The following KLHL29 variants were observed in gnomAD, a reference collection of about 807,000 sequenced individuals.
KLHL29 encodes kelch-like protein 29.
A neutral mutation model predicts 80.4 loss-of-function variants in KLHL29; 21 were observed. That is an observed-to-expected ratio of 0.26 (90% confidence interval 0.19 to 0.38). The LOEUF (loss-of-function observed/expected upper bound fraction) is 0.38, where lower values mean the gene tolerates loss of function less well. Among genes scored for constraint, KLHL29 ranks in the 10% least tolerant of loss-of-function variants. The probability of loss-of-function intolerance (pLI) is 1.00; values close to 1 mark genes in which losing one functional copy is unlikely to be tolerated. For synonymous variants in KLHL29, 511 were observed against 526.8 expected (o/e 0.97, Z 0.41); for missense variants, 867 against 1,223.9 (o/e 0.71, Z 4.35).
intron 3 of KLHL29, among the ~76,000 whole-genome samples, chr2:23,623,045 G>C (rs1366722392): frequency 6.6e-6 from 1 of 152,176 alleles, no homozygotes; most frequent in Non-Finnish European, 1.5e-5. Flanking sequence ...GGGTGAGACA[G>C]GCTTCTGCAC....
In KLHL29 at chr2:23,560,030, G is replaced by A. The variant is rs150458206; in HGVS notation, c.-45-2122G>A. 2.0e-3 allele frequency among the ~76,000 whole-genome samples: 298 copies of A among 152,250 alleles called. 10 individuals are homozygous for A. In the East Asian group the frequency reaches 0.05, roughly 25 times the overall value. ...GCAAGTGAGGGAAGTTGAGGACAGC[G>A]GCATAAATGTCCCCTTGGATTTAGC... is the stretch of plus-strand genomic sequence containing the variant. On this transcript the variant is annotated intron_variant, in intron 2 of 13. Coordinates refer to ENST00000486442, the MANE Select transcript of KLHL29 (RefSeq NM_052920.2).
intron 2 of KLHL29, among the ~76,000 whole-genome samples, chr2:23,480,673 A>G (rs1664775986): frequency 4.6e-5 from 7 of 152,172 alleles, no homozygotes; most frequent in Admixed American, 4.6e-4. Flanking sequence ...AGTTTGCAAA[A>G]CAATATTCCT....
intron 11 of KLHL29, among the ~76,000 whole-genome samples, chr2:23,701,878 G>A (rs1014969595): frequency 3.8e-5 from 5 of 131,084 alleles, no homozygotes; most frequent in South Asian, 2.6e-4. Flanking sequence ...TTGGCTCACC[G>A]CAGCCTCTGC....
chr2:23,597,321 G>A (rs1213372978), intron 3 of KLHL29, among the ~76,000 whole-genome samples: 1 of 137,858 alleles, frequency 7.3e-6, no homozygotes, highest in Non-Finnish European at 1.5e-5. Context: ...GTGTGTGTGT[G>A]TGTGTGTGTG....
intron 5 of KLHL29, chr2:23,670,042 T>C (rs1670666709): frequency 6.6e-6 from 1 of 152,108 alleles, no homozygotes; most frequent in South Asian, 2.1e-4. Flanking sequence ...CCCCAGAGCA[T>C]GGGCCGTGTG....
Position 23,597,294 on chromosome 2 carries a change from CTCATA to C in KLHL29, c.285+34815_285+34819del, listed in dbSNP as rs149873998. On this transcript the variant is annotated intron_variant, in intron 3 of 13. Coordinates refer to ENST00000486442, the MANE Select transcript of KLHL29 (RefSeq NM_052920.2). ...TCGCTCTCAATCTATCTCTCTCTCTCTCATATATATATATATGTGTGTGTGTGTGT... is the reference window on the plus strand; with the variant it reads ...TCGCTCTCAATCTATCTCTCTCTCTCTATATATATATGTGTGTGTGTGTGT... Among the ~76,000 whole-genome samples the C allele has an allele frequency of 5.2e-3, 480 of 92,860 alleles. 12 individuals are homozygous for C. The highest frequency in any genetic ancestry group is 9.1e-3 in the South Asian group (29 of 3,170). 60.9% of individuals were successfully genotyped at this position (92,860 alleles called of 152,430 possible).
intron 2 of KLHL29, among the ~76,000 whole-genome samples, chr2:23,511,585 T>G (rs962600158): frequency 6.6e-6 from 1 of 152,198 alleles, no homozygotes; most frequent in Non-Finnish European, 1.5e-5. Flanking sequence ...CTGGGAGATA[T>G]GAGGATCTGG....
At chr2:23,691,502 CTT>C (rs892425145) in intron 6 of KLHL29, 170 bp from the exon 7 acceptor site, 9 of 611,602 alleles carry the variant, frequency 1.5e-5, no homozygotes, top group Non-Finnish European at 2.3e-5. Flanking sequence ...TGGTCAGACT[CTT>C]CTCTTTCAGA....
intron 1 of KLHL29, among the ~76,000 whole-genome samples, chr2:23,412,470 G>A (rs2723112): frequency 1.6e-3 from 243 of 152,270 alleles, no homozygotes; most frequent in South Asian, 6.6e-3. Flanking sequence ...GGGCTGCAGG[G>A]CTCAAACTTG....
rs1362499383 is a variant in KLHL29, at chr2:23,681,579, C to T, written c.941-2820C>T. On this transcript the variant is annotated intron_variant, in intron 5 of 13. Coordinates refer to ENST00000486442, the MANE Select transcript of KLHL29 (RefSeq NM_052920.2). This position sits in a 1 kb window ranked among gnomAD's most constrained non-coding sequence, Gnocchi z 4.2. ...GATTAACTCAGCAGGCATGTGGGGC[C>T]ACATCTGTCACTCTCTGCAGCATGA... Among the ~76,000 whole-genome samples, 1 of 152,160 alleles carries T rather than the reference C, an allele frequency of 6.6e-6. No individual in the cohort carries two copies. The highest frequency in any genetic ancestry group is 1.9e-4 in the East Asian group (1 of 5,186).
intron 2 of KLHL29, among the ~76,000 whole-genome samples, chr2:23,517,820 G>C (rs1180197639): frequency 6.6e-6 from 1 of 152,218 alleles, no homozygotes; most frequent in African/African-American, 2.4e-5. Flanking sequence ...CCACTGGAAA[G>C]TCACTTTAGT....
chr2:23,527,626 C>A (rs1452158628), intron 2 of KLHL29, among the ~76,000 whole-genome samples: 1 of 152,190 alleles, frequency 6.6e-6, no homozygotes, highest in Non-Finnish European at 1.5e-5. Context: ...CTTGACAGCA[C>A]GGTGAAAGCA....
intron 3 of KLHL29, among the ~76,000 whole-genome samples, chr2:23,621,900 C>T (rs1286722175): frequency 3.9e-5 from 6 of 152,118 alleles, no homozygotes; most frequent in Admixed American, 2.6e-4. Context: ...TCCCTGGGAG[C>T]GTGAAGGTGG....
intron 2 of KLHL29, among the ~76,000 whole-genome samples, chr2:23,489,208 G>T (rs1665023968): frequency 6.6e-6 from 1 of 152,188 alleles, no homozygotes; most frequent in African/African-American, 2.4e-5. Context: ...CCACTTGGAA[G>T]GTGCCCTCCT....
At chr2:23,502,364 C>T (rs1057002684) in intron 2 of KLHL29, among the ~76,000 whole-genome samples, 2 of 152,232 alleles carry the variant, frequency 1.3e-5, no homozygotes, top group Admixed American at 6.5e-5. Context: ...ACAGTGTGTT[C>T]CTGAGACGCT....
intron 3 of KLHL29, among the ~76,000 whole-genome samples, chr2:23,625,349 G>A (rs983035877): frequency 2.0e-5 from 3 of 152,220 alleles, no homozygotes; most frequent in South Asian, 2.1e-4. Context: ...TTCTGAACAC[G>A]AGAGTGGGCA....
At chr2:23,515,570 C>A (rs539063263) in intron 2 of KLHL29, among the ~76,000 whole-genome samples, 1 of 152,272 alleles carries the variant, frequency 6.6e-6, no homozygotes, top group South Asian at 2.1e-4. Flanking sequence ...ACAATTATAA[C>A]AAACTGTAAA....
At chr2:23,445,365 A>T (rs896102258) in intron 1 of KLHL29, among the ~76,000 whole-genome samples, 2 of 152,200 alleles carry the variant, frequency 1.3e-5, no homozygotes, top group African/African-American at 4.8e-5. Context: ...GAGCAGCAGC[A>T]TGTCCTCTAT....
At chr2:23,657,790 C>T (rs544254026) in intron 5 of KLHL29, among the ~76,000 whole-genome samples, 5 of 152,270 alleles carry the variant, frequency 3.3e-5, no homozygotes, top group Middle Eastern at 6.8e-3. Flanking sequence ...GGACCGGCCT[C>T]GCCTAAGAAG....
Sources: gnomAD v4.1 joint callset for allele counts (sites outside exome capture counted in the v4.1 genomes callset) on GRCh38, gnomAD v4.1.1 for gene constraint, Gnocchi (gnomAD v3.1) non-coding constraint, MANE v1.5 for transcripts, NCBI Gene and HGNC (gene_info 2026-07-23, HGNC 2026-07-21) for gene names.